POM121C: variants seen among roughly 807,000 people sequenced by gnomAD.
POM121C encodes the protein nuclear envelope pore membrane protein POM 121C.
In POM121C, 20 loss-of-function variants were observed where a neutral mutation model predicts 66.4. That is an observed-to-expected ratio of 0.30 (90% confidence interval 0.21 to 0.44). The LOEUF (loss-of-function observed/expected upper bound fraction) is 0.44. Among genes scored for constraint, POM121C ranks in the 20% least tolerant of loss-of-function variants. The probability of loss-of-function intolerance (pLI) is 1.00; values close to 1 mark genes in which losing one functional copy is unlikely to be tolerated. For synonymous variants in POM121C, 286 were observed against 528.0 expected, an observed-to-expected ratio of 0.54 and a Z score of 6.28; for missense variants, 580 against 1,225.7, an observed-to-expected ratio of 0.47 and a Z score of 7.87.
chr7:75,422,126 G>A lies in POM121C; in HGVS notation c.2126C>T (p.Ala709Val), dbSNP rs1304422500. Residue 709 changes from alanine (A) to valine (V), a missense_variant, in exon 13 of 15, where the codon GCC becomes GTC. Coordinates refer to ENST00000615331, the MANE Select transcript of POM121C (RefSeq NM_001099415.3). Reference sequence around the variant, plus strand: ...GGCCCCCGGTGGCTGCCCCTCAGCGGCCCCAAATGCGGGCTGGGGGTTGGC... The same window carrying A: ...GGCCCCCGGTGGCTGCCCCTCAGCGACCCCAAATGCGGGCTGGGGGTTGGC... ...PGANPQPAFGAAEGQPPGAAK... is the reference protein window; with the variant it reads ...PGANPQPAFGVAEGQPPGAAK... 33 of 1,600,714 alleles carry A rather than the reference G, an allele frequency of 2.1e-5. No homozygotes were observed. The East Asian group carries it at 7.4e-4, about 36-fold the overall frequency.
At chr7:75,435,574 CCTCA>C (rs1790370885) in intron 7 of POM121C, among the ~76,000 whole-genome samples, 1 of 152,044 alleles carries the variant, frequency 6.6e-6, no homozygotes, top group African/African-American at 2.4e-5. Context: ...AACAAACGAA[CCTCA>C]CTGTATATAA....
At chr7:75,468,126 T>TAAAAAAAAAA (rs368723160) in intron 3 of POM121C, among the ~76,000 whole-genome samples, 14 of 64,352 alleles carry the variant, frequency 2.2e-4, no homozygotes, top group South Asian at 6.4e-4. Context: ...AGACTCTGTC[T>TAAAAAAAAAA]AAAAAAAAAA....
At chr7:75,465,962 A>G (rs1365421871) in intron 3 of POM121C, among the ~76,000 whole-genome samples, 8 of 149,688 alleles carry the variant, frequency 5.3e-5, no homozygotes, top group Non-Finnish European at 1.0e-4. Flanking sequence ...AAAATAAAAC[A>G]TATAAAAACC....
chr7:75,441,318 A>C, intron 4 of POM121C, 114 bp downstream of exon 4: 1 of 1,392,890 alleles, frequency 7.2e-7, no homozygotes, highest in Non-Finnish European at 9.8e-7. Flanking sequence ...TCTCATTCAA[A>C]CAAGCAGATT....
At chr7:75,473,269 G>T (rs1456412469) in intron 3 of POM121C, among the ~76,000 whole-genome samples, 1 of 151,960 alleles carries the variant, frequency 6.6e-6, no homozygotes, top group Non-Finnish European at 1.5e-5. Context: ...AGGAAAAAAG[G>T]TCTTAGAAGT....
At chr7:75,423,613 A>C (rs1554471256) in intron 12 of POM121C, among the ~76,000 whole-genome samples, 1 of 151,782 alleles carries the variant, frequency 6.6e-6, no homozygotes, top group Non-Finnish European at 1.5e-5. Context: ...TTACCGTCTG[A>C]TAAAGAGGTG....
rs782313315 is a variant in POM121C, at chr7:75,425,678, A to G, written c.603T>C (p.Ser201=). ...CCTTGTCTGCTGCCAATGGAGTTGA[A>G]GAACTGGAATGATGACACAGCTCTT... ...REEELCHHSS[S]STPLAADKES... The change falls in exon 9 of 15, where the codon TCT becomes TCC. Residue 201 remains serine (S), a synonymous_variant. Transcript: ENST00000615331. The G allele has an allele frequency of 1.2e-6, 2 of 1,612,526 alleles. No homozygotes were observed. Among genetic ancestry groups the G allele is most frequent in the South Asian group, 1.1e-5 (1 of 90,520 alleles).
In POM121C at chr7:75,465,913, AAAAAAAAAAAAG is replaced by A. The variant is rs1419657326; in HGVS notation, c.-152+8779_-152+8790del. On this transcript the variant is annotated intron_variant, in intron 3 of 14. Coordinates refer to ENST00000615331, the MANE Select transcript of POM121C (RefSeq NM_001099415.3). ...CCTGTCTCAAAAAAAAAAAAAAAAA[AAAAAAAAAAAAG>A]GTGTGTGACTTTCGCCTCAATTAAA... 2.5e-3 allele frequency among the ~76,000 whole-genome samples: 366 copies of A among 149,116 alleles called. 3 individuals are homozygous for A. The highest frequency in any genetic ancestry group is 3.5e-3 in the Non-Finnish European group (233 of 67,244).
chr7:75,434,953 A>G (rs1790347417), intron 7 of POM121C, among the ~76,000 whole-genome samples: 1 of 152,184 alleles, frequency 6.6e-6, no homozygotes. Context: ...GCCAGGGAGA[A>G]ATGGTCCCTT....
rs1439655400 is a variant in POM121C, at chr7:75,473,758, G to A, written c.-152+946C>T. On this transcript the variant is annotated intron_variant, in intron 3 of 14. Transcript: ENST00000615331. ...GGCTGGAGTGCAGTGGCGGGATCTC[G>A]GCTCACTGCAAGCTCCGCCTCCCGT... Among the ~76,000 whole-genome samples the A allele has an allele frequency of 4.0e-5, 6 of 150,870 alleles. No homozygotes were observed. The East Asian group carries it at 5.9e-4, about 15-fold the overall frequency.
chr7:75,479,436 C>T lies in POM121C; in HGVS notation c.-457-4248G>A, dbSNP rs587770318. ...TTCGAGACCAGCCTGGCCAACATGG[C>T]GAAACCTCGTCTCTACTAAAAATAC... On this transcript the variant is annotated intron_variant, in intron 1 of 14. Coordinates refer to ENST00000615331, the MANE Select transcript of POM121C (RefSeq NM_001099415.3). Among the ~76,000 whole-genome samples the T allele has an allele frequency of 4.3e-4, 65 of 151,474 alleles. 1 individual carries two copies. In the South Asian group the frequency reaches 4.8e-3, roughly 11 times the overall value.
At chr7:75,442,753 C>T (rs1312557180) in intron 3 of POM121C, 6 of 1,331,968 alleles carry the variant, frequency 4.5e-6, no homozygotes, top group African/African-American at 3.1e-5. Context: ...ACTTAAATAT[C>T]CCAGCGTGCA....
chr7:75,430,781 G>C (rs1347222357), intron 7 of POM121C, among the ~76,000 whole-genome samples: 1 of 152,026 alleles, frequency 6.6e-6, no homozygotes, highest in African/African-American at 2.4e-5. Flanking sequence ...CAACTTAGTA[G>C]AAAAGAGCCA....
intron 11 of POM121C, 118 bp from the exon 12 acceptor site, chr7:75,424,343 A>G (rs62476648): frequency 0.89 from 1,037,716 of 1,163,280 alleles, 463,707 homozygotes; most frequent in East Asian, 0.97. Context: ...AAATTGCAGT[A>G]GTCCCTGCTG....
Position 75,437,661 on chromosome 7 carries a change from T to G in POM121C, c.334A>C (p.Asn112His). 6.2e-7 allele frequency: 1 copy of G among 1,612,414 alleles called. No homozygotes were observed. Among genetic ancestry groups the G allele is most frequent in the Non-Finnish European group, 8.5e-7 (1 of 1,178,866 alleles). Residue 112 changes from asparagine (N) to histidine (H), a missense_variant, in exon 7 of 15, where the codon AAT becomes CAT. Physicochemically the swap from Asn to His is moderately conservative, Grantham distance 68. Transcript: ENST00000615331. ...PKPGSLKRGL[N>H]SQSSDDHLNK... is the part of the protein sequence containing the mutation. ...AAGTGGTCATCTGAGCTCTGAGAAT[T>G]GAGGCCTCTCTTCAGAGACCCAGGC...
intron 3 of POM121C, among the ~76,000 whole-genome samples, chr7:75,463,249 G>A (rs192711687): frequency 1.4e-4 from 22 of 152,174 alleles, no homozygotes; most frequent in African/African-American, 5.3e-4. Flanking sequence ...GGATGCTCAG[G>A]CAGAGAATCA....
intron 13 of POM121C, 70 bp from the exon 14 acceptor site, chr7:75,419,512 C>G: frequency 6.3e-7 from 1 of 1,575,190 alleles, no homozygotes; most frequent in Non-Finnish European, 8.6e-7. Flanking sequence ...CGGGCAGGAG[C>G]CTGTGCTCTG....
chr7:75,463,377 C>A (rs1554477305), intron 3 of POM121C, among the ~76,000 whole-genome samples: 3 of 151,314 alleles, frequency 2.0e-5, no homozygotes, highest in Non-Finnish European at 4.4e-5. Flanking sequence ...CACAGACTGG[C>A]TAAGCCCTGA....
chr7:75,462,131 A>C (rs1244451721), intron 3 of POM121C, among the ~76,000 whole-genome samples: 1 of 147,004 alleles, frequency 6.8e-6, no homozygotes, highest in Non-Finnish European at 1.5e-5. Flanking sequence ...CCAGGGGTCA[A>C]GGAGGGACCT....
Sources: gnomAD v4.1 joint callset for allele counts (sites outside exome capture counted in the v4.1 genomes callset) on GRCh38, gnomAD v4.1.1 for gene constraint, MANE v1.5 for transcripts, NCBI Gene and HGNC (gene_info 2026-07-23, HGNC 2026-07-21) for gene names.